The following MAP3K15 variants were observed in gnomAD, a reference collection of about 807,000 sequenced individuals.
MAP3K15 encodes the protein MAPK/ERK kinase kinase 15.
Under a neutral mutation model 99.5 loss-of-function variants are expected in MAP3K15, and 124 were observed. The ratio of observed to expected loss-of-function variants is 1.25; its 90% CI spans 1.08 to 1.45. The LOEUF (loss-of-function observed/expected upper bound fraction) is 1.45. MAP3K15 is among the 40% of genes most tolerant of loss of function. The pLI is 0.00. For synonymous variants in MAP3K15, 494 were observed against 439.6 expected (o/e 1.12, Z -1.55); for missense variants, 1,242 against 1,079.7 (o/e 1.15, Z -2.11).
chrX:19,369,264 G>A (rs1411401527), intron 24 of MAP3K15, 45 bp from the exon 25 acceptor site: 10 of 1,200,585 alleles, frequency 8.3e-6, no homozygotes, highest in Non-Finnish European at 1.1e-5. Context: ...AACCAGGCCA[G>A]TGGGGCCTGG....
rs758244329 is a variant in MAP3K15 at position 19,494,239 on chromosome X, G to A, written c.362-5272C>T. Among the ~76,000 whole-genome samples, 22 of 111,331 alleles carry A rather than the reference G, an allele frequency of 2.0e-4. 1 individual carries two copies. In the South Asian group the frequency reaches 8.5e-3, roughly 43 times the overall value. ...TACTCTGGAGGCTGAGGCAAGAGGA[G>A]CACTTGAACCTAGAAGTTCAAGTCC... On this transcript the variant is annotated intron_variant, in intron 1 of 28. Transcript: ENST00000338883.
intron 6 of MAP3K15, among the ~76,000 whole-genome samples, chrX:19,450,123 C>G (rs773263270): frequency 1.8e-5 from 2 of 109,710 alleles, no homozygotes; most frequent in South Asian, 4.0e-4. Context: ...CAATAAAGTA[C>G]AGAAGCAGGA....
chrX:19,461,005 AG>A (rs1686049294), intron 4 of MAP3K15, among the ~76,000 whole-genome samples: 2 of 103,268 alleles, frequency 1.9e-5, no homozygotes, highest in African/African-American at 7.9e-5. Flanking sequence ...CTTAAGACAG[AG>A]TCTCGCACTT....
At chrX:19,407,335 A>G in intron 12 of MAP3K15, 52 bp from the exon 13 acceptor site, 1 of 677,257 alleles carries the variant, frequency 1.5e-6, no homozygotes, top group Non-Finnish European at 2.2e-6. Flanking sequence ...TACCCACTCT[A>G]AATCTGCAAG....
At chrX:19,367,077 T>G (rs1362217713) in intron 25 of MAP3K15, among the ~76,000 whole-genome samples, 2 of 111,716 alleles carry the variant, frequency 1.8e-5, no homozygotes, top group Non-Finnish European at 3.8e-5. Context: ...AGCAAAGACA[T>G]GGAATCATCC....
intron 18 of MAP3K15, among the ~76,000 whole-genome samples, chrX:19,381,464 A>T (rs781025165): frequency 8.9e-6 from 1 of 112,349 alleles, no homozygotes; most frequent in East Asian, 2.8e-4. Context: ...CTTGGTGGGG[A>T]GCAGCCTGGG....
chrX:19,389,795 A>G (rs2063515059), intron 18 of MAP3K15, among the ~76,000 whole-genome samples: 1 of 111,936 alleles, frequency 8.9e-6, no homozygotes, highest in Non-Finnish European at 1.9e-5. Context: ...CCCTCTTGCT[A>G]TGTATTGCCA....
rs1569195856 is a variant in MAP3K15 at position 19,360,722 on chromosome X, A to G, written c.*27T>C. On this transcript the variant is annotated 3_prime_UTR_variant, in exon 29 of 29. Transcript: ENST00000338883. The stretch of plus-strand genomic sequence containing the variant: ...AACAAAACATGTAGCGTGGTGGGAC[A>G]CTCTGCCACAGCTTAGCTGATTGGT... The G allele has an allele frequency of 8.8e-7, 1 of 1,132,439 alleles. No homozygotes were observed. The highest frequency in any genetic ancestry group is 1.2e-6 in the Non-Finnish European group (1 of 826,431). 93.3% of individuals were successfully genotyped at this position (1,132,439 alleles called of 1,213,427 possible).
At chrX:19,443,931 C>T (rs1392753884) in intron 6 of MAP3K15, among the ~76,000 whole-genome samples, 1 of 111,359 alleles carries the variant, frequency 9.0e-6, no homozygotes, top group Non-Finnish European at 1.9e-5. Context: ...AAGAAGCCTT[C>T]CCCCAAATAC....
intron 11 of MAP3K15, among the ~76,000 whole-genome samples, chrX:19,411,422 T>G (rs2063686726): frequency 8.9e-6 from 1 of 112,419 alleles, no homozygotes; most frequent in African/African-American, 3.2e-5. Flanking sequence ...GCACCTACTA[T>G]GTATGTGCTA....
intron 2 of MAP3K15, among the ~76,000 whole-genome samples, chrX:19,488,212 AT>A (rs2064342633): frequency 8.9e-6 from 1 of 112,156 alleles, no homozygotes; most frequent in Non-Finnish European, 1.9e-5. Flanking sequence ...AAATGCAAGC[AT>A]TTTTTAAAAA....
intron 4 of MAP3K15, among the ~76,000 whole-genome samples, chrX:19,462,753 C>CTT (rs1403772718): frequency 9.0e-6 from 1 of 111,678 alleles, no homozygotes; most frequent in East Asian, 2.8e-4. Flanking sequence ...TCAAAATAGA[C>CTT]TTTATAAATC....
At chrX:19,396,108 T>G (rs757387306) in intron 15 of MAP3K15, among the ~76,000 whole-genome samples, 1 of 111,763 alleles carries the variant, frequency 8.9e-6, no homozygotes, top group East Asian at 2.8e-4. Flanking sequence ...TACTCCTCTA[T>G]CATGGCACTT....
At chrX:19,448,195 T>C (rs2064015238) in intron 6 of MAP3K15, among the ~76,000 whole-genome samples, 1 of 109,193 alleles carries the variant, frequency 9.2e-6, no homozygotes, top group South Asian at 4.1e-4. Flanking sequence ...GACTTCACAA[T>C]GCAGCTAACA....
intron 13 of MAP3K15, among the ~76,000 whole-genome samples, chrX:19,402,127 AT>A (rs200204588): frequency 0.059 from 5,288 of 89,677 alleles, 138 homozygotes; most frequent in Admixed American, 0.11. Flanking sequence ...CGTTTCTACA[AT>A]TTTTTTTTTT....
intron 1 of MAP3K15, among the ~76,000 whole-genome samples, chrX:19,505,290 C>T (rs1569245877): frequency 9.0e-6 from 1 of 111,196 alleles, no homozygotes; most frequent in East Asian, 2.8e-4. Context: ...GACCCACAGC[C>T]TGACTCTTTC....
chrX:19,406,645 A>C (rs1024239545), intron 13 of MAP3K15, among the ~76,000 whole-genome samples: 14 of 112,532 alleles, frequency 1.2e-4, no homozygotes, highest in Admixed American at 3.8e-4. Flanking sequence ...AATATTCTAA[A>C]ACTAGATTAT....
chrX:19,465,792 T>G (rs2064163587), intron 3 of MAP3K15, among the ~76,000 whole-genome samples: 1 of 104,795 alleles, frequency 9.5e-6, no homozygotes, highest in African/African-American at 3.5e-5. Flanking sequence ...CAAATACCAG[T>G]GTTGTAAGTA....
intron 3 of MAP3K15, among the ~76,000 whole-genome samples, chrX:19,481,115 C>CAA (rs60578003): frequency 0.076 from 4,139 of 54,612 alleles, 340 homozygotes; most frequent in African/African-American, 0.21. Flanking sequence ...GAACTTGTCT[C>CAA]AAAAAAAAAA....
Sources: gnomAD v4.1 joint callset for allele counts (sites outside exome capture counted in the v4.1 genomes callset) on GRCh38, gnomAD v4.1.1 for gene constraint, MANE v1.5 for transcripts, NCBI Gene and HGNC (gene_info 2026-07-23, HGNC 2026-07-21) for gene names.